LRPPRC: variants seen among roughly 807,000 people sequenced by gnomAD.
The protein encoded by LRPPRC is leucine rich pentatricopeptide repeat containing.
Under a neutral mutation model 180.3 loss-of-function variants are expected in LRPPRC, and 120 were observed. The ratio of observed to expected loss-of-function variants is 0.67; its 90% CI spans 0.57 to 0.77. LRPPRC has a LOEUF of 0.77. Ranked by LOEUF, LRPPRC falls within the 30% of genes least tolerant of loss-of-function variation. The pLI, the probability that LRPPRC is intolerant of heterozygous loss-of-function variation, is 0.00. For synonymous variants in LRPPRC, 723 were observed against 600.0 expected (o/e 1.21, Z -3.00); for missense variants, 2,012 against 1,657.2 (o/e 1.21, Z -3.72).
chr2:43,933,479 TTTC>T (rs1672161709), intron 25 of LRPPRC, among the ~76,000 whole-genome samples: 1 of 152,210 alleles, frequency 6.6e-6, no homozygotes, highest in South Asian at 2.1e-4. Context: ...TGAAATAATT[TTTC>T]TTAAGGCAAT....
chr2:43,951,024 C>A (rs1193383605), intron 14 of LRPPRC, among the ~76,000 whole-genome samples: 1 of 152,010 alleles, frequency 6.6e-6, no homozygotes, highest in African/African-American at 2.4e-5. Context: ...GAGCCGAGAT[C>A]GTGCCACTGC....
At position 43,888,588 on chromosome 2, in the gene LRPPRC, C is replaced by A. The variant is rs765322876; in HGVS notation, c.*12G>T. 7 of 1,509,884 alleles carry A rather than the reference C, an allele frequency of 4.6e-6. No homozygotes were observed. The African/African-American group carries it at 9.6e-5, about 21-fold the overall frequency. The allele number at this position is 1,509,884 out of a possible 1,614,324, so 93.5% of individuals were successfully genotyped here. ...CACAAATATATACAAAACAAAGTAT[C>A]GCCTGGTTATTTCAAGAAGAGTTTT... On this transcript the variant is annotated 3_prime_UTR_variant, in exon 38 of 38. Coordinates refer to ENST00000260665, the MANE Select transcript of LRPPRC (RefSeq NM_133259.4).
intron 13 of LRPPRC, chr2:43,959,100 T>G (rs377649939): frequency 1.1e-5 from 7 of 648,660 alleles, no homozygotes; most frequent in South Asian, 5.3e-5. Context: ...AATCAAGAGG[T>G]TGACAACGAA....
intron 30 of LRPPRC, 60 bp from the exon 31 acceptor site, chr2:43,905,840 G>C: frequency 9.6e-7 from 1 of 1,046,746 alleles, no homozygotes; most frequent in Non-Finnish European, 1.5e-6. Context: ...GATAATAAAT[G>C]GTTGAGCACC....
intron 23 of LRPPRC, among the ~76,000 whole-genome samples, chr2:43,936,407 G>C (rs1672280489): frequency 6.6e-6 from 1 of 152,184 alleles, no homozygotes; most frequent in South Asian, 2.1e-4. Context: ...AAAGAGGCAT[G>C]GTTAGAGACA....
At chr2:43,908,585 A>C (rs1464143222) in intron 30 of LRPPRC, among the ~76,000 whole-genome samples, 4 of 151,420 alleles carry the variant, frequency 2.6e-5, no homozygotes, top group Non-Finnish European at 2.9e-5. Context: ...GCAGTGGCGC[A>C]ATCTTGGCTC....
chr2:43,937,575 G>C (rs895897073), intron 23 of LRPPRC, among the ~76,000 whole-genome samples: 8 of 152,152 alleles, frequency 5.3e-5, no homozygotes, highest in African/African-American at 1.9e-4. Context: ...TGTAGTCATA[G>C]GACTTTGGAT....
At chr2:43,977,614 G>A (rs1674118653) in intron 3 of LRPPRC, among the ~76,000 whole-genome samples, 1 of 152,092 alleles carries the variant, frequency 6.6e-6, no homozygotes, top group Non-Finnish European at 1.5e-5. Flanking sequence ...ATATAAAGCA[G>A]TCCTCACATT....
intron 1 of LRPPRC, among the ~76,000 whole-genome samples, chr2:43,988,646 C>G (rs1674639534): frequency 6.6e-6 from 1 of 152,084 alleles, no homozygotes; most frequent in African/African-American, 2.4e-5. Context: ...GAGATGGAGT[C>G]TCGCTCTGTC....
Position 43,977,026 on chromosome 2 carries a change from A to C in LRPPRC, c.618T>G (p.Ser206=). The part of the protein sequence containing the change: ...NRVTYQRLIA[S]YCNVGDIEGA... ...CTTCAATATCTCCTACATTACAATA[A>C]GAAGCAATCAATCTCTGGTATGTCA... The change falls in exon 5 of 38, where the codon TCT becomes TCG. Residue 206 remains serine (S), a synonymous_variant. Coordinates refer to ENST00000260665, the MANE Select transcript of LRPPRC (RefSeq NM_133259.4). 3 of 1,613,596 alleles carry C rather than the reference A, an allele frequency of 1.9e-6. No homozygotes were observed. The highest frequency in any genetic ancestry group is 2.5e-6 in the Non-Finnish European group (3 of 1,179,652).
At chr2:43,896,933 G>C (rs190794478) in intron 34 of LRPPRC, among the ~76,000 whole-genome samples, 3 of 152,242 alleles carry the variant, frequency 2.0e-5, no homozygotes, top group Non-Finnish European at 2.9e-5. Flanking sequence ...TATAAAGTTT[G>C]TTTAAAAAGA....
chr2:43,957,402 T>G lies in LRPPRC; in HGVS notation c.1632A>C (p.Leu544=). 6.2e-7 allele frequency: 1 copy of G among 1,612,832 alleles called. No homozygotes were observed. The highest frequency in any genetic ancestry group is 2.2e-5 in the East Asian group (1 of 44,850). The change falls in exon 14 of 38, where the codon CTA becomes CTC. Residue 544 remains leucine (L), a synonymous_variant. Coordinates refer to ENST00000260665, the MANE Select transcript of LRPPRC (RefSeq NM_133259.4). ...PISLQSIRSS[L]LLGFRRSMNI... ...CATCTTACCTCCTGAAGCCTAGCAG[T>G]AGGCTACTTCTTATAGACTGCAGCG...
chr2:43,947,357 G>GT lies in LRPPRC; in HGVS notation c.1978dup (p.Thr660AsnfsTer4). 2 of 1,565,796 alleles carry GT rather than the reference G, an allele frequency of 1.3e-6. No homozygotes were observed. Among genetic ancestry groups the GT allele is most frequent in the Non-Finnish European group, 1.8e-6 (2 of 1,137,086 alleles). The stretch of plus-strand genomic sequence containing the variant: ...AAGTGTGGACTCCAATTCAGATGAT[G>GT]TAAGTTGCACAGTCTACAGAAAAGA... On this transcript the variant is annotated frameshift_variant, in exon 20 of 38. Transcript: ENST00000260665. LOFTEE classifies it high-confidence loss of function.
chr2:43,950,228 T>A (rs866897872), intron 15 of LRPPRC, among the ~76,000 whole-genome samples: 1 of 147,556 alleles, frequency 6.8e-6, no homozygotes, highest in Middle Eastern at 3.6e-3. Context: ...TTTCCAACTT[T>A]TATTTTAAGT....
At chr2:43,897,174 C>T (rs1199683970) in intron 34 of LRPPRC, among the ~76,000 whole-genome samples, 2 of 152,028 alleles carry the variant, frequency 1.3e-5, no homozygotes, top group Non-Finnish European at 2.9e-5. Flanking sequence ...AGTATAATTA[C>T]CTACACTTAT....
chr2:43,948,787 G>A (rs1433220290), intron 16 of LRPPRC, among the ~76,000 whole-genome samples: 3 of 151,968 alleles, frequency 2.0e-5, no homozygotes, highest in African/African-American at 7.3e-5. Flanking sequence ...CCACCACTCT[G>A]TGACAGAAGT....
intron 26 of LRPPRC, 129 bp downstream of exon 26, chr2:43,925,764 A>G: frequency 1.3e-6 from 1 of 744,504 alleles, no homozygotes; most frequent in Non-Finnish European, 2.5e-6. Flanking sequence ...TATCTGGCAA[A>G]TGATCGAGAT....
At chr2:43,904,794 C>T (rs1394786120) in intron 31 of LRPPRC, 1 of 151,562 alleles carries the variant, frequency 6.6e-6, no homozygotes. Flanking sequence ...AGATAGGAAG[C>T]AATAAGGTTA....
At position 43,960,653 on chromosome 2, in the gene LRPPRC, T is replaced by G; in HGVS notation, c.1489-19A>C. ...CATTTTCCTGGAGATAAAGCATATA[T>G]CAATGAGAATACATCTCAGCTAACA... On this transcript the variant is annotated intron_variant, in intron 12 of 37. Coordinates refer to ENST00000260665, the MANE Select transcript of LRPPRC (RefSeq NM_133259.4). The G allele has an allele frequency of 8.8e-7, 1 of 1,135,150 alleles. No homozygotes were observed. The highest frequency in any genetic ancestry group is 1.3e-6 in the Non-Finnish European group (1 of 746,032). The allele number at this position is 1,135,150 out of a possible 1,614,324, so 70.3% of individuals were successfully genotyped here. A position where few individuals can be genotyped will look rare whatever the true frequency, so the allele number is the denominator to read the frequency against.
Sources: allele counts gnomAD v4.1 joint callset (sites outside exome capture counted in the v4.1 genomes callset), GRCh38; gene constraint gnomAD v4.1.1; transcripts MANE v1.5; gene names NCBI Gene and HGNC (gene_info 2026-07-23, HGNC 2026-07-21).